Variants in MEF2D observed in about 807,000 individuals in gnomAD.
The protein encoded by MEF2D is myocyte-specific enhancer factor 2D.
Under a neutral mutation model 59.3 loss-of-function variants are expected in MEF2D, and 10 were observed. The observed-to-expected ratio is 0.17, with a 90% CI of 0.10 to 0.29. The LOEUF is 0.29. MEF2D is among the 10% of genes least tolerant of loss of function. MEF2D has a pLI of 1.00. For missense variants in MEF2D, 508 were observed against 699.4 expected (o/e 0.73, Z 3.09); for synonymous variants, 305 against 295.0 (o/e 1.03, Z -0.35).
In MEF2D at chr1:156,466,285, TCAATA is replaced by T. The variant is rs1281778899; in HGVS notation, c.*1355_*1359del. 6.6e-6 allele frequency: 1 copy of T among 151,260 alleles called. No individual in the cohort carries two copies. The highest frequency in any genetic ancestry group is 2.5e-5 in the African/African-American group (1 of 40,140). 9.4% of individuals were successfully genotyped at this position (151,260 alleles called of 1,614,324 possible). On this transcript the variant is annotated 3_prime_UTR_variant, in exon 12 of 12. Transcript: ENST00000348159. Reference sequence around the variant, plus strand: ...GACAAAAATAGAATCTCATTTCATATCAATACAACAACAACAAAAAAAAACAGTTT... The same window carrying T: ...GACAAAAATAGAATCTCATTTCATATCAACAACAACAAAAAAAAACAGTTT...
chr1:156,487,772 C>A (rs1289292302), intron 1 of MEF2D, among the ~76,000 whole-genome samples: 1 of 152,248 alleles, frequency 6.6e-6, no homozygotes, highest in African/African-American at 2.4e-5. Context: ...GCCTGGGCAT[C>A]TGTTCTCCAG....
Position 156,500,616 on chromosome 1 carries a change from C to A in MEF2D, c.-269G>T, listed in dbSNP as rs969210406. 6.6e-6 allele frequency: 1 copy of A among 152,034 alleles called. No individual in the cohort carries two copies. The highest frequency in any genetic ancestry group is 2.4e-5 in the African/African-American group (1 of 41,428). The allele number at this position is 152,034 out of a possible 1,614,324, so 9.4% of individuals were successfully genotyped here. ...ATAATAAATGAGGCCGGCGTCCGCG[C>A]GGGCCCTGGGCGGCGCCGTGAGGCC... On this transcript the variant is annotated 5_prime_UTR_variant, in exon 1 of 12. Transcript: ENST00000348159.
At chr1:156,473,580 G>T (rs541305076) in intron 9 of MEF2D, among the ~76,000 whole-genome samples, 73 of 152,176 alleles carry the variant, frequency 4.8e-4, no homozygotes, top group Non-Finnish European at 9.6e-4. Flanking sequence ...TTCCTTACTG[G>T]CAAGTCCTTC....
chr1:156,496,964 A>C (rs1673168003), intron 1 of MEF2D, among the ~76,000 whole-genome samples: 1 of 152,212 alleles, frequency 6.6e-6, no homozygotes, highest in Admixed American at 6.5e-5. Context: ...CGACCCCACC[A>C]AGCCAAAGGT....
At chr1:156,482,313 G>T (rs1253905679) in intron 3 of MEF2D, 124 bp downstream of exon 3, 7 of 981,790 alleles carry the variant, frequency 7.1e-6, no homozygotes, top group Non-Finnish European at 9.4e-6. Flanking sequence ...ACAGGTGAGG[G>T]GCTACAAGGG....
In MEF2D at chr1:156,467,378, A is replaced by C. The variant is rs1331982392; in HGVS notation, c.*267T>G. 1 of 175,186 alleles carries C rather than the reference A, an allele frequency of 5.7e-6. No individual in the cohort carries two copies. The highest frequency in any genetic ancestry group is 1.2e-5 in the Non-Finnish European group (1 of 84,484). The allele number at this position is 175,186 out of a possible 1,614,324, so 10.9% of individuals were successfully genotyped here. A position where few individuals can be genotyped will look rare whatever the true frequency, so the allele number is the denominator to read the frequency against. ...AAAGTGTCCCCCCTTCCCGCGAAAA[A>C]GAGAGCCCCCCAGCCAGTGAAAATG... is the stretch of plus-strand genomic sequence containing the variant. On this transcript the variant is annotated 3_prime_UTR_variant, in exon 12 of 12. Coordinates refer to ENST00000348159, the MANE Select transcript of MEF2D (RefSeq NM_005920.4).
chr1:156,500,064 AGGAG>A (rs1179845135), intron 1 of MEF2D, among the ~76,000 whole-genome samples: 4 of 152,036 alleles, frequency 2.6e-5, no homozygotes, highest in African/African-American at 9.7e-5. Flanking sequence ...AGGCGGCGAG[AGGAG>A]GGAGAGGGAG....
rs57351079 is a variant in MEF2D at position 156,465,681 on chromosome 1, TAC to T, written c.*1962_*1963del. On this transcript the variant is annotated 3_prime_UTR_variant, in exon 12 of 12. Transcript: ENST00000348159. ...AAAAGTACACCCGTGCAATCAGACATACACACACACACACACATAAATACAAA... is the reference window on the plus strand; with the variant it reads ...AAAAGTACACCCGTGCAATCAGACATACACACACACACACATAAATACAAA... 6.2e-4 allele frequency: 94 copies of T among 150,798 alleles called. 1 individual carries two copies. Among genetic ancestry groups the T allele is most frequent in the Admixed American group, 5.5e-3 (83 of 15,148 alleles). 9.3% of individuals were successfully genotyped at this position (150,798 alleles called of 1,614,324 possible).
intron 1 of MEF2D, among the ~76,000 whole-genome samples, chr1:156,491,570 TG>T (rs1219564668): frequency 6.6e-6 from 1 of 152,144 alleles, no homozygotes; most frequent in Non-Finnish European, 1.5e-5. Context: ...AAGTACCAAG[TG>T]GGGCACACAA....
chr1:156,488,802 G>A (rs1249504973), intron 1 of MEF2D, among the ~76,000 whole-genome samples: 6 of 152,148 alleles, frequency 3.9e-5, no homozygotes, highest in Non-Finnish European at 8.8e-5. Flanking sequence ...GAGAGGTCAG[G>A]GTAGCCTCCT....
Position 156,485,364 on chromosome 1 carries a change from A to G in MEF2D, c.-138-1934T>C, listed in dbSNP as rs147905466. Among the ~76,000 whole-genome samples, 9 of 152,206 alleles carry G rather than the reference A, an allele frequency of 5.9e-5. No individual in the cohort carries two copies. The East Asian group carries it at 1.7e-3, about 29-fold the overall frequency. On this transcript the variant is annotated intron_variant, in intron 1 of 11. Transcript: ENST00000348159. ...GGAAGGAGGAGAGGGAAGGCAAGGA[A>G]TCTATCAATTTGGGAGGAGCTGGGA...
chr1:156,467,942 G>A (rs1670964384), intron 11 of MEF2D, 51 bp downstream of exon 11: 2 of 1,568,790 alleles, frequency 1.3e-6, no homozygotes, highest in East Asian at 4.5e-5. Flanking sequence ...ACGCGGGGCA[G>A]TCCCTGGGTG....
Position 156,480,912 on chromosome 1 carries a change from C to T in MEF2D, c.318G>A (p.Ser106=), listed in dbSNP as rs751470442. Residue 106 remains serine (S), a synonymous_variant, in exon 4 of 12, where the codon TCG becomes TCA. Transcript: ENST00000348159. The part of the protein sequence containing the change: ...CDSPEPDGED[S]LEQSPLLEDK... ...CCTCCAGCAGGGGGCTCTGTTCCAG[C>T]GAGTCCTCCCCGTCGGGCTCGGGGC... 17 of 1,611,608 alleles carry T rather than the reference C, an allele frequency of 1.1e-5. No individual in the cohort carries two copies. The highest frequency in any genetic ancestry group is 1.7e-5 in the Admixed American group (1 of 59,882).
At chr1:156,473,293 A>C (rs903313905) in intron 9 of MEF2D, among the ~76,000 whole-genome samples, 4 of 151,872 alleles carry the variant, frequency 2.6e-5, no homozygotes, top group Non-Finnish European at 5.9e-5. Context: ...GGGATTACAG[A>C]TGTGAGCCAC....
rs1385653188 is a variant in MEF2D, at chr1:156,500,504, G to A, written c.-157C>T. 6.6e-6 allele frequency: 1 copy of A among 152,286 alleles called. No homozygotes were observed. Among genetic ancestry groups the A allele is most frequent in the African/African-American group, 2.4e-5 (1 of 41,472 alleles). 9.4% of individuals were successfully genotyped at this position (152,286 alleles called of 1,614,324 possible). A position where few individuals can be genotyped will look rare whatever the true frequency, so the allele number is the denominator to read the frequency against. Reference sequence around the variant, plus strand: ...TACTCACCAGCCCGGCTGGGGGAACGGTGTTGTCACGGCAAAGAGCGGGTA... The same window carrying A: ...TACTCACCAGCCCGGCTGGGGGAACAGTGTTGTCACGGCAAAGAGCGGGTA... On this transcript the variant is annotated 5_prime_UTR_variant, in exon 1 of 12. Transcript: ENST00000348159.
intron 3 of MEF2D, among the ~76,000 whole-genome samples, chr1:156,481,192 G>C (rs1294096560): frequency 6.6e-6 from 1 of 152,216 alleles, no homozygotes; most frequent in African/African-American, 2.4e-5. Context: ...CAGAGAACAA[G>C]GCTGGAAGGT....
intron 9 of MEF2D, among the ~76,000 whole-genome samples, chr1:156,473,263 C>T (rs2102025516): frequency 6.6e-6 from 1 of 152,260 alleles, no homozygotes; most frequent in South Asian, 2.1e-4. Flanking sequence ...GATCCTCCTG[C>T]CTCAGCCTCC....
intron 9 of MEF2D, among the ~76,000 whole-genome samples, chr1:156,470,282 G>A (rs926794428): frequency 1.3e-5 from 2 of 151,864 alleles, no homozygotes; most frequent in African/African-American, 2.4e-5. Context: ...TTAGCCAGGC[G>A]GTGGCGCGCA....
At chr1:156,470,781 T>G (rs1671191628) in intron 9 of MEF2D, among the ~76,000 whole-genome samples, 1 of 152,212 alleles carries the variant, frequency 6.6e-6, no homozygotes, top group Non-Finnish European at 1.5e-5. Context: ...AAAAAGCATG[T>G]AGAACAGTAT....
Sources: gnomAD v4.1 joint callset for allele counts (sites outside exome capture counted in the v4.1 genomes callset) on GRCh38, gnomAD v4.1.1 for gene constraint, MANE v1.5 for transcripts, NCBI Gene and HGNC (gene_info 2026-07-23, HGNC 2026-07-21) for gene names.